RSF1: variants seen among roughly 807,000 people sequenced by gnomAD.
RSF1 encodes HBV pX-associated protein 8.
RSF1 carries 13 observed loss-of-function variants against 145.2 expected under a neutral mutation model. The ratio of observed to expected loss-of-function variants is 0.09; its 90% CI spans 0.06 to 0.14. The LOEUF is 0.14. Among genes scored for constraint, RSF1 ranks in the 10% least tolerant of loss-of-function variants. The pLI is 1.00. For missense variants in RSF1, 1,517 were observed against 1,718.2 expected, an observed-to-expected ratio of 0.88 and a Z score of 2.07; for synonymous variants, 577 against 592.6, an observed-to-expected ratio of 0.97 and a Z score of 0.38.
intron 1 of RSF1, among the ~76,000 whole-genome samples, chr11:77,774,384 C>G (rs921229827): frequency 6.6e-6 from 1 of 151,688 alleles, no homozygotes; most frequent in Non-Finnish European, 1.5e-5. Flanking sequence ...AGGCAGATCA[C>G]GAGGTCAGGA....
chr11:77,714,818 G>A (rs1313162088), intron 5 of RSF1, among the ~76,000 whole-genome samples: 4 of 151,980 alleles, frequency 2.6e-5, no homozygotes, highest in Non-Finnish European at 4.4e-5. Flanking sequence ...CTCTAGCCTG[G>A]AGACAGAGCA....
chr11:77,794,513 T>C (rs1243726773), intron 1 of RSF1, among the ~76,000 whole-genome samples: 2 of 151,676 alleles, frequency 1.3e-5, no homozygotes, highest in African/African-American at 4.8e-5. Flanking sequence ...TGAAACCCTG[T>C]CTATAAATAA....
chr11:77,782,941 C>T (rs1440178375), intron 1 of RSF1, among the ~76,000 whole-genome samples: 1 of 152,154 alleles, frequency 6.6e-6, no homozygotes, highest in African/African-American at 2.4e-5. Context: ...GAGTTAAAAT[C>T]TATTATTTTG....
intron 1 of RSF1, among the ~76,000 whole-genome samples, chr11:77,815,495 T>C (rs970361972): frequency 6.6e-6 from 1 of 152,196 alleles, no homozygotes; most frequent in African/African-American, 2.4e-5. Context: ...AATACATGAT[T>C]CAGTTTAACA....
At position 77,702,010 on chromosome 11, in the gene RSF1, C is replaced by T; in HGVS notation, c.1219G>A (p.Val407Ile). Reference sequence around the variant, plus strand: ...TTCAAAAACTCTTTTGTTGGAGTAACTGATTTACACAAAGGTCCCTTGACT... The same window carrying T: ...TTCAAAAACTCTTTTGTTGGAGTAATTGATTTACACAAAGGTCCCTTGACT... Reference protein sequence around the residue: ...SPVKGPLCKSVTPTKEFLKDE... With the variant: ...SPVKGPLCKSITPTKEFLKDE... The change falls in exon 6 of 16, where the codon GTT becomes ATT. Residue 407 changes from valine (V) to isoleucine (I), a missense_variant. Physicochemically the swap from Val to Ile is conservative, Grantham distance 29. Around this residue, in one of 12 missense-constraint regions of RSF1, gnomAD observed 579 missense variants for 553.5 expected, o/e 1.05. Coordinates refer to ENST00000308488, the MANE Select transcript of RSF1 (RefSeq NM_016578.4). 1.2e-6 allele frequency: 2 copies of T among 1,613,974 alleles called. No homozygotes were observed. The highest frequency in any genetic ancestry group is 8.5e-7 in the Non-Finnish European group (1 of 1,179,942).
chr11:77,829,164 T>G, the RSF1 span, among the ~76,000 whole-genome samples: 45 of 151,262 alleles, frequency 3.0e-4, no homozygotes, highest in Non-Finnish European at 6.0e-4. Context: ...GAACTGGTAA[T>G]TTTATAAGAA....
At chr11:77,818,073 A>G (rs1948799024) in intron 1 of RSF1, among the ~76,000 whole-genome samples, 1 of 152,204 alleles carries the variant, frequency 6.6e-6, no homozygotes, top group Non-Finnish European at 1.5e-5. Flanking sequence ...TTATGATAGG[A>G]TCTATTATTA....
chr11:77,699,045 C>T (rs938721248), intron 6 of RSF1, among the ~76,000 whole-genome samples: 4 of 152,120 alleles, frequency 2.6e-5, no homozygotes, highest in South Asian at 2.1e-4. Context: ...TTTTCACTTT[C>T]GTCAACAATG....
chr11:77,694,147 G>T (rs66991096), intron 7 of RSF1, among the ~76,000 whole-genome samples: 27,440 of 152,010 alleles, frequency 0.18, 3,139 homozygotes, highest in African/African-American at 0.31. Context: ...AAATAACAAG[G>T]CCTTTCTGAC....
chr11:77,863,939 T>G, the RSF1 span, among the ~76,000 whole-genome samples: 1 of 152,120 alleles, frequency 6.6e-6, no homozygotes, highest in African/African-American at 2.4e-5. Context: ...ATCCCTTTTT[T>G]TTTTGAGACA....
At chr11:77,820,505 G>A in intron 1 of RSF1, 23 bp downstream of exon 1, 16 of 1,545,162 alleles carry the variant, frequency 1.0e-5, no homozygotes, top group Non-Finnish European at 1.3e-5. Flanking sequence ...GCTTCCCGCC[G>A]GGCGTTCGGG....
chr11:77,780,824 C>CAAAA (rs33925149), intron 1 of RSF1, among the ~76,000 whole-genome samples: 7 of 127,818 alleles, frequency 5.5e-5, no homozygotes, highest in African/African-American at 1.2e-4. Flanking sequence ...GACTCCGTCT[C>CAAAA]AAAAAAAAAA....
rs1959361966 is a variant in RSF1 at position 77,666,331 on chromosome 11, G to A, written c.*586C>T. The A allele has an allele frequency of 6.6e-6, 1 of 152,464 alleles. No homozygotes were observed. The highest frequency in any genetic ancestry group is 1.5e-5 in the Non-Finnish European group (1 of 67,994). The allele number at this position is 152,464 out of a possible 1,614,324, so 9.4% of individuals were successfully genotyped here. On this transcript the variant is annotated 3_prime_UTR_variant, in exon 16 of 16. Coordinates refer to ENST00000308488, the MANE Select transcript of RSF1 (RefSeq NM_016578.4). The stretch of plus-strand genomic sequence containing the variant: ...TTTCACTGTCTCTTCTTTATTAAGT[G>A]TGGTTATCTCCAATAGTAAACAAGT...
intron 2 of RSF1, among the ~76,000 whole-genome samples, chr11:77,758,663 G>A (rs1948140378): frequency 6.6e-6 from 1 of 152,052 alleles, no homozygotes. Context: ...GGTATTTTAC[G>A]GTTTTGAATC....
At chr11:77,677,044 T>TATTAAA (rs764366914) in intron 12 of RSF1, 45 bp from the exon 13 acceptor site, 2 of 1,421,664 alleles carry the variant, frequency 1.4e-6, no homozygotes, top group Non-Finnish European at 2.0e-6. Flanking sequence ...AATATGTGTT[T>TATTAAA]ATTAAAAGCT....
the RSF1 span, among the ~76,000 whole-genome samples, chr11:77,834,789 G>C: frequency 1.3e-5 from 2 of 152,124 alleles, no homozygotes; most frequent in South Asian, 2.1e-4. Flanking sequence ...AATGTTTCTA[G>C]TATCAAGATA....
intron 2 of RSF1, among the ~76,000 whole-genome samples, chr11:77,758,504 G>C (rs1012670290): frequency 2.0e-5 from 3 of 152,112 alleles, no homozygotes; most frequent in Non-Finnish European, 4.4e-5. Context: ...ATTCTGATGA[G>C]CTTTATGAGG....
At chr11:77,673,895 G>A (rs1055494866) in intron 14 of RSF1, among the ~76,000 whole-genome samples, 1 of 151,978 alleles carries the variant, frequency 6.6e-6, no homozygotes, top group Non-Finnish European at 1.5e-5. Flanking sequence ...ATATCAAGAT[G>A]AGACAAAATT....
chr11:77,677,891 T>C (rs1208006130), intron 12 of RSF1, among the ~76,000 whole-genome samples, 195 bp downstream of exon 12: 5 of 152,220 alleles, frequency 3.3e-5, no homozygotes, highest in African/African-American at 7.2e-5. Context: ...GCTTTAAAAG[T>C]AGTTAGTAAG....
Sources: allele counts gnomAD v4.1 joint callset (sites outside exome capture counted in the v4.1 genomes callset), GRCh38; gene constraint gnomAD v4.1.1; regional missense constraint gnomAD v4.1.1; transcripts MANE v1.5; gene names NCBI Gene and HGNC (gene_info 2026-07-23, HGNC 2026-07-21).